The following TMEM209 variants were observed in gnomAD, a reference collection of about 807,000 sequenced individuals.
TMEM209 encodes transmembrane protein 209.
Under a neutral mutation model 76.2 loss-of-function variants are expected in TMEM209, and 65 were observed. The observed-to-expected ratio is 0.85, with a 90% CI of 0.70 to 1.05. The LOEUF (loss-of-function observed/expected upper bound fraction) is 1.05, where lower values mean the gene tolerates loss of function less well. TMEM209 is among the 50% of genes least tolerant of loss of function. TMEM209 has a pLI of 0.00. For synonymous variants in TMEM209, 239 were observed against 237.6 expected (o/e 1.01, Z -0.06); for missense variants, 623 against 685.5 (o/e 0.91, Z 1.02).
intron 7 of TMEM209, 136 bp downstream of exon 7, chr7:130,185,056 C>G (rs755469309): frequency 9.8e-7 from 1 of 1,016,454 alleles, no homozygotes; most frequent in Non-Finnish European, 1.4e-6. Context: ...CAGGAGCTTT[C>G]CCACTGCCTA....
intron 1 of TMEM209, among the ~76,000 whole-genome samples, chr7:130,204,542 A>G (rs1016255114): frequency 3.9e-5 from 6 of 152,158 alleles, no homozygotes; most frequent in Non-Finnish European, 7.4e-5. Context: ...GGATTTCAAC[A>G]TTTTGGCCAG....
intron 6 of TMEM209, among the ~76,000 whole-genome samples, chr7:130,189,086 T>A (rs559849461): frequency 1.3e-5 from 2 of 152,062 alleles, no homozygotes; most frequent in Non-Finnish European, 2.9e-5. Context: ...GGATCCTGCA[T>A]CAATAAAAGA....
chr7:130,178,670 G>A (rs918982557), intron 9 of TMEM209, 143 bp from the exon 10 acceptor site: 11 of 861,184 alleles, frequency 1.3e-5, no homozygotes, highest in African/African-American at 6.8e-5. Flanking sequence ...CTCCCCTGAC[G>A]ACCCTACCTC....
intron 6 of TMEM209, chr7:130,192,356 C>G (rs796864955): frequency 4.7e-5 from 19 of 407,686 alleles, no homozygotes; most frequent in African/African-American, 3.6e-4. Flanking sequence ...TTTGTAGCCT[C>G]AACTTTAAAT....
intron 3 of TMEM209, among the ~76,000 whole-genome samples, chr7:130,202,951 T>G (rs1798271541): frequency 6.6e-6 from 1 of 151,956 alleles, no homozygotes; most frequent in Admixed American, 6.6e-5. Flanking sequence ...TAGCCAGGTG[T>G]GGTGACGCAC....
At chr7:130,195,706 G>A (rs1370289733) in intron 5 of TMEM209, among the ~76,000 whole-genome samples, 1 of 150,554 alleles carries the variant, frequency 6.6e-6, no homozygotes, top group East Asian at 1.9e-4. Flanking sequence ...TGTCCTATTT[G>A]TTTTTATGTT....
chr7:130,184,249 C>T lies in TMEM209; in HGVS notation c.958G>A (p.Ala320Thr). The change falls in exon 8 of 15, where the codon GCA becomes ACA. Residue 320 changes from alanine to threonine, a missense_variant. Physicochemically the swap from Ala to Thr is moderately conservative, Grantham distance 58 (BLOSUM62 0). Coordinates refer to ENST00000397622, the MANE Select transcript of TMEM209 (RefSeq NM_032842.4). ...AGTTGTCTATTCATAGCCACTCTTGCCCAGACCTATAAAAATTCATGTTTA... is the reference window on the plus strand; with the variant it reads ...AGTTGTCTATTCATAGCCACTCTTGTCCAGACCTATAAAAATTCATGTTTA... Reference protein sequence around the residue: ...SSKQAAEEVWARVAMNRQLLD... With the variant: ...SSKQAAEEVWTRVAMNRQLLD... 6.3e-7 allele frequency: 1 copy of T among 1,599,104 alleles called. No individual in the cohort carries two copies. The highest frequency in any genetic ancestry group is 8.5e-7 in the Non-Finnish European group (1 of 1,173,548).
chr7:130,185,520 A>G (rs1261184736), intron 6 of TMEM209, among the ~76,000 whole-genome samples, 153 bp from the exon 7 acceptor site: 1 of 152,200 alleles, frequency 6.6e-6, no homozygotes, highest in African/African-American at 2.4e-5. Context: ...TTTAGAGATC[A>G]CAGTCTGCTT....
At chr7:130,186,990 C>T (rs1398392115) in intron 6 of TMEM209, among the ~76,000 whole-genome samples, 1 of 152,186 alleles carries the variant, frequency 6.6e-6, no homozygotes, top group Non-Finnish European at 1.5e-5. Flanking sequence ...CGCCTGTAAT[C>T]CCAGCACTTT....
chr7:130,199,319 G>A (rs913054568), intron 5 of TMEM209, among the ~76,000 whole-genome samples: 1 of 151,812 alleles, frequency 6.6e-6, no homozygotes, highest in Admixed American at 6.6e-5. Flanking sequence ...CCTGGTTCAC[G>A]CCATTCTCCT....
At chr7:130,189,221 G>C (rs1317794464) in intron 6 of TMEM209, among the ~76,000 whole-genome samples, 2 of 152,108 alleles carry the variant, frequency 1.3e-5, no homozygotes, top group Non-Finnish European at 1.5e-5. Context: ...CTTTGAGACA[G>C]AGTCTCACTC....
rs771451399 is a variant in TMEM209 at position 130,185,363 on chromosome 7, G to C, written c.780C>G (p.Ser260Arg). The C allele has an allele frequency of 2.5e-6, 4 of 1,613,364 alleles. No individual in the cohort carries two copies. The highest frequency in any genetic ancestry group is 3.4e-6 in the Non-Finnish European group (4 of 1,179,498). Residue 260 changes from serine to arginine, a missense_variant, in exon 7 of 15, where the codon AGC (serine) becomes AGG (arginine). Coordinates refer to ENST00000397622, the MANE Select transcript of TMEM209 (RefSeq NM_032842.4). ...EEKQHRVKLG[S>R]PDSTSPSSSP... ...TGCTGGAAGGAGAGGTAGAATCTGG[G>C]CTCCCTACAATTGTTAAGATAAACA...
chr7:130,176,954 C>A (rs2402989), intron 10 of TMEM209, among the ~76,000 whole-genome samples: 25,466 of 149,180 alleles, frequency 0.17, 2,712 homozygotes, highest in Middle Eastern at 0.25. Flanking sequence ...GAGTTCAAGA[C>A]TGCAAGGAGC....
chr7:130,201,297 C>A (rs1798190589), intron 5 of TMEM209, among the ~76,000 whole-genome samples: 1 of 151,884 alleles, frequency 6.6e-6, no homozygotes, highest in African/African-American at 2.4e-5. Flanking sequence ...GTCAAAATTT[C>A]AATTTGTCAA....
intron 6 of TMEM209, among the ~76,000 whole-genome samples, chr7:130,191,281 A>G (rs1797787502): frequency 6.6e-6 from 1 of 151,754 alleles, no homozygotes; most frequent in African/African-American, 2.4e-5. Context: ...CTGAATTTAC[A>G]TGCATTTAAC....
Position 130,175,607 on chromosome 7 carries a change from G to C in TMEM209, c.1249C>G (p.Leu417Val). ...GAGCTCATACAACCTCCCTGAGATA[G>C]TTCTGTGGCAACAAGGTGAAATTTT... ...QEYLFERIKE[L>V]SQGGCMSSFR... is the part of the protein sequence containing the mutation. Residue 417 changes from leucine to valine, a missense_variant and splice_region_variant, in exon 11 of 15, where the codon CTA becomes GTA. Transcript: ENST00000397622. 5.0e-6 allele frequency: 8 copies of C among 1,610,034 alleles called. No homozygotes were observed. The highest frequency in any genetic ancestry group is 6.8e-6 in the Non-Finnish European group (8 of 1,178,418).
intron 13 of TMEM209, among the ~76,000 whole-genome samples, chr7:130,172,350 T>C (rs566933576): frequency 5.9e-5 from 9 of 152,158 alleles, no homozygotes; most frequent in South Asian, 4.1e-4. Context: ...TTTTATTTTA[T>C]TTATTTTTTT....
chr7:130,188,513 A>G lies in TMEM209; in HGVS notation c.776-3146T>C, dbSNP rs192272004. 2.6e-3 allele frequency among the ~76,000 whole-genome samples: 396 copies of G among 149,526 alleles called. 1 individual carries two copies. Among genetic ancestry groups the G allele is most frequent in the African/African-American group, 4.1e-3 (168 of 40,538 alleles). On this transcript the variant is annotated intron_variant, in intron 6 of 14. Transcript: ENST00000397622. ...CGGGAGGCTGAAGCAGGAGAATGGC[A>G]TGAACCCGGGAGGCGGAGCTTGCAG...
rs201607156 is a variant in TMEM209, at chr7:130,205,402, G to A, written c.-27C>T. The A allele has an allele frequency of 5.5e-4, 887 of 1,613,672 alleles. 11 individuals are homozygous for A. The South Asian group carries it at 5.7e-3, about 10-fold the overall frequency. On this transcript the variant is annotated 5_prime_UTR_variant, in exon 1 of 15. Coordinates refer to ENST00000397622, the MANE Select transcript of TMEM209 (RefSeq NM_032842.4). ...TCCTCTGGCCGGAAAACGCAGGCTC[G>A]CGCCACTCTCTCTGGGCATGCGCAA...
Sources: gnomAD v4.1 joint callset for allele counts (sites outside exome capture counted in the v4.1 genomes callset) on GRCh38, gnomAD v4.1.1 for gene constraint, MANE v1.5 for transcripts, NCBI Gene and HGNC (gene_info 2026-07-23, HGNC 2026-07-21) for gene names.